The following RBFOX1 variants were observed in gnomAD, a reference collection of about 807,000 sequenced individuals.
The protein encoded by RBFOX1 is RNA binding protein fox-1 homolog 1.
In RBFOX1, 8 loss-of-function variants were observed where a neutral mutation model predicts 57.7. The ratio of observed to expected loss-of-function variants is 0.14; its 90% confidence interval spans 0.08 to 0.25. The LOEUF (loss-of-function observed/expected upper bound fraction) is 0.25, where lower values mean the gene tolerates loss of function less well. RBFOX1 is among the 10% of genes least tolerant of loss of function. The pLI, the probability that RBFOX1 is intolerant of heterozygous loss-of-function variation, is 1.00. For synonymous variants in RBFOX1, 326 were observed against 222.4 expected (o/e 1.47, Z -4.15); for missense variants, 611 against 548.5 (o/e 1.11, Z -1.14).
chr16:5,828,529 C>G (rs1373411913), intron 3 of RBFOX1, among the ~76,000 whole-genome samples: 1 of 152,084 alleles, frequency 6.6e-6, no homozygotes, highest in Admixed American at 6.5e-5. Context: ...GAAACCCCAT[C>G]TCTACTAAAA....
chr16:7,051,057 T>A (rs565375463), intron 3 of RBFOX1, among the ~76,000 whole-genome samples: 1 of 152,274 alleles, frequency 6.6e-6, no homozygotes, highest in South Asian at 2.1e-4. Context: ...TTCATATCCC[T>A]TAGTAAAAGT....
intron 3 of RBFOX1, among the ~76,000 whole-genome samples, chr16:7,044,194 T>G (rs1340523124): frequency 6.6e-6 from 1 of 152,062 alleles, no homozygotes; most frequent in African/African-American, 2.4e-5. Context: ...GGTATGGGTG[T>G]GTATGTGTGT....
intron 1 of RBFOX1, among the ~76,000 whole-genome samples, chr16:5,403,040 A>G (rs1180079714): frequency 3.0e-4 from 46 of 152,158 alleles, no homozygotes; most frequent in Non-Finnish European, 2.1e-4. Flanking sequence ...AAATGCATGG[A>G]AGCAAAAGTG....
rs2054674875 is a variant in RBFOX1, at chr16:5,790,985, C to G, written c.319-76318C>G. 4.6e-5 allele frequency among the ~76,000 whole-genome samples: 7 copies of G among 150,686 alleles called. No homozygotes were observed. The South Asian group carries it at 1.5e-3, about 32-fold the overall frequency. ...CTGGGTTCAAGTGATTCTTTTGCTTCAACTTCCCAAGTAGCTGGGATTACA... is the reference window on the plus strand; with the variant it reads ...CTGGGTTCAAGTGATTCTTTTGCTTGAACTTCCCAAGTAGCTGGGATTACA... On this transcript the variant is annotated intron_variant, in intron 3 of 19. Coordinates refer to the RBFOX1 transcript ENST00000641259.
At chr16:6,892,432 G>C in intron 3 of RBFOX1, among the ~76,000 whole-genome samples, 1 of 152,182 alleles carries the variant, frequency 6.6e-6, no homozygotes, top group Non-Finnish European at 1.5e-5. Context: ...CACTTTAGGA[G>C]GCCGAAGTGG....
At chr16:7,321,938 A>G (rs965613560) in intron 4 of RBFOX1, among the ~76,000 whole-genome samples, 2 of 152,120 alleles carry the variant, frequency 1.3e-5, no homozygotes, top group South Asian at 2.1e-4. Context: ...ATCCTCTCCA[A>G]TGAGAGGTTC....
intron 3 of RBFOX1, among the ~76,000 whole-genome samples, chr16:6,854,055 T>G (rs1342737826): frequency 1.3e-5 from 2 of 152,196 alleles, no homozygotes; most frequent in Non-Finnish European, 2.9e-5. Flanking sequence ...AAGTCTTTGT[T>G]CCTTCCAGAA....
chr16:7,237,872 C>T (rs540200517), intron 4 of RBFOX1, among the ~76,000 whole-genome samples: 9 of 152,246 alleles, frequency 5.9e-5, no homozygotes, highest in African/African-American at 2.2e-4. Context: ...GACATGGTGG[C>T]ACACACCTGT....
At chr16:6,623,605 C>G (rs1483365999) in intron 2 of RBFOX1, among the ~76,000 whole-genome samples, 1 of 152,008 alleles carries the variant, frequency 6.6e-6, no homozygotes, top group Non-Finnish European at 1.5e-5. Flanking sequence ...GCCCCACACC[C>G]CACAACAGGC....
intron 4 of RBFOX1, among the ~76,000 whole-genome samples, chr16:7,083,277 A>G (rs2059474527): frequency 6.6e-6 from 1 of 151,796 alleles, no homozygotes; most frequent in African/African-American, 2.4e-5. Context: ...TTAATGGGAA[A>G]CAGCTGTCTC....
rs66510060 is a variant in RBFOX1, at chr16:7,225,905, A to AATAAATAAATATATATAT, written c.27+173810_27+173811insAATAAATATATATATATA. Among the ~76,000 whole-genome samples the AATAAATAAATATATATAT allele has an allele frequency of 6.1e-3, 568 of 93,724 alleles. 14 individuals are homozygous for AATAAATAAATATATATAT. Among genetic ancestry groups the AATAAATAAATATATATAT allele is most frequent in the African/African-American group, 0.026 (545 of 20,974 alleles). 61.5% of individuals were successfully genotyped at this position (93,724 alleles called of 152,430 possible). A position where few individuals can be genotyped will look rare whatever the true frequency, so the allele number is the denominator to read the frequency against. ...GTACCCTAGAACTTAAAGTATAATA[A>AATAAATAAATATATATAT]ATATATATATATATAAATGTGAATG... On this transcript the variant is annotated intron_variant, in intron 4 of 15. Coordinates refer to ENST00000550418, the MANE Select transcript of RBFOX1 (RefSeq NM_018723.4).
intron 4 of RBFOX1, among the ~76,000 whole-genome samples, chr16:7,382,246 C>A (rs888273516): frequency 2.6e-5 from 4 of 152,140 alleles, no homozygotes; most frequent in Non-Finnish European, 5.9e-5. Context: ...ACTCATTATT[C>A]TCAGTTCCAC....
intron 4 of RBFOX1, chr16:7,510,158 C>A (rs1039408174): frequency 3.9e-5 from 38 of 985,584 alleles, no homozygotes; most frequent in Middle Eastern, 5.2e-4. Context: ...CGGCCTCAGC[C>A]CCCCACCTTC....
intron 4 of RBFOX1, among the ~76,000 whole-genome samples, chr16:7,403,567 C>T (rs866366384): frequency 4.8e-5 from 7 of 145,664 alleles, no homozygotes; most frequent in African/African-American, 1.7e-4. Flanking sequence ...GAGAATCCCC[C>T]CCCCCCCACT....
intron 3 of RBFOX1, among the ~76,000 whole-genome samples, chr16:5,762,104 A>C (rs1032435320): frequency 1.3e-5 from 2 of 152,228 alleles, no homozygotes; most frequent in African/African-American, 4.8e-5. Context: ...ATTTTCCTGC[A>C]AAACCAATAG....
intron 4 of RBFOX1, among the ~76,000 whole-genome samples, chr16:7,349,054 G>GA (rs961958169): frequency 6.6e-6 from 1 of 152,180 alleles, no homozygotes; most frequent in Admixed American, 6.5e-5. Context: ...TGGGGACATT[G>GA]AAAAATGTGC....
chr16:5,923,260 CAAAA>C (rs1241173216), intron 4 of RBFOX1, among the ~76,000 whole-genome samples: 1 of 152,044 alleles, frequency 6.6e-6, no homozygotes, highest in African/African-American at 2.4e-5. Flanking sequence ...TCTAAATTAA[CAAAA>C]AGAGAGGAGA....
intron 3 of RBFOX1, among the ~76,000 whole-genome samples, chr16:6,679,692 C>G (rs750991390): frequency 6.6e-6 from 1 of 152,080 alleles, no homozygotes; most frequent in Non-Finnish European, 1.5e-5. Flanking sequence ...AACTAACCAC[C>G]ACACCATACA....
chr16:6,203,749 A>G (rs574270996), intron 1 of RBFOX1, among the ~76,000 whole-genome samples: 2 of 152,332 alleles, frequency 1.3e-5, no homozygotes, highest in South Asian at 4.1e-4. Flanking sequence ...TTGTGTGTTC[A>G]TAGAAACATA....
Sources: allele counts gnomAD v4.1 joint callset (sites outside exome capture counted in the v4.1 genomes callset), GRCh38; gene constraint gnomAD v4.1.1; transcripts MANE v1.5; gene names NCBI Gene and HGNC (gene_info 2026-07-23, HGNC 2026-07-21).